The following FRMD5 variants were observed in gnomAD, a reference collection of about 807,000 sequenced individuals.
FRMD5 encodes FERM domain containing 5.
In FRMD5, 20 loss-of-function variants were observed where a neutral mutation model predicts 69.0. The ratio of observed to expected loss-of-function variants is 0.29; its 90% CI spans 0.20 to 0.42. The LOEUF is 0.42. Ranked by LOEUF, FRMD5 falls within the 10% of genes least tolerant of loss-of-function variation. FRMD5 has a pLI of 1.00. For missense variants in FRMD5, 595 were observed against 708.6 expected, an observed-to-expected ratio of 0.84 and a Z score of 1.82; for synonymous variants, 271 against 260.1, an observed-to-expected ratio of 1.04 and a Z score of -0.40.
chr15:43,925,287 G>A (rs981410698), intron 1 of FRMD5, among the ~76,000 whole-genome samples: 5 of 152,132 alleles, frequency 3.3e-5, no homozygotes, highest in African/African-American at 1.2e-4. Context: ...TTAAAGGTGT[G>A]AGCCACCATG....
At chr15:43,883,474 G>T (rs1050035273) in intron 13 of FRMD5, among the ~76,000 whole-genome samples, 1 of 152,038 alleles carries the variant, frequency 6.6e-6, no homozygotes, top group Non-Finnish European at 1.5e-5. Flanking sequence ...TCCCCCAAAG[G>T]GCTAACCCAG....
chr15:44,146,159 C>T (rs902950109), intron 1 of FRMD5, among the ~76,000 whole-genome samples: 1 of 152,114 alleles, frequency 6.6e-6, no homozygotes, highest in Non-Finnish European at 1.5e-5. Context: ...CCTTCCCTTG[C>T]CATCCCCCAA....
chr15:43,915,568 C>A (rs1309846595), intron 4 of FRMD5, among the ~76,000 whole-genome samples: 1 of 152,168 alleles, frequency 6.6e-6, no homozygotes, highest in Non-Finnish European at 1.5e-5. Context: ...AGTTCATACA[C>A]CTGCAATCCC....
intron 1 of FRMD5, among the ~76,000 whole-genome samples, chr15:44,104,603 C>G (rs1046959121): frequency 7.9e-5 from 12 of 152,064 alleles, no homozygotes; most frequent in African/African-American, 2.7e-4. Flanking sequence ...TTTAGATACC[C>G]AAATACTTAC....
At chr15:44,172,277 T>C (rs1272363704) in intron 1 of FRMD5, among the ~76,000 whole-genome samples, 1 of 150,002 alleles carries the variant, frequency 6.7e-6, no homozygotes, top group Admixed American at 6.6e-5. Context: ...TTTTTCTTTT[T>C]TTTTTTTTTT....
chr15:43,995,635 G>A (rs1889884326), intron 1 of FRMD5, among the ~76,000 whole-genome samples: 2 of 151,244 alleles, frequency 1.3e-5, no homozygotes, highest in Non-Finnish European at 3.0e-5. Flanking sequence ...CTGGAGCCTG[G>A]GGCCAGCCTG....
At chr15:44,161,878 C>G (rs2077621393) in intron 1 of FRMD5, among the ~76,000 whole-genome samples, 1 of 152,202 alleles carries the variant, frequency 6.6e-6, no homozygotes, top group Non-Finnish European at 1.5e-5. Flanking sequence ...TACTGAACTG[C>G]CATCTTTATG....
At chr15:43,905,101 G>T (rs1486418480) in intron 6 of FRMD5, among the ~76,000 whole-genome samples, 1 of 150,600 alleles carries the variant, frequency 6.6e-6, no homozygotes, top group African/African-American at 2.4e-5. Context: ...AAGAGCAGAA[G>T]CCTGCCCTTT....
chr15:44,082,313 T>C (rs1233701505), intron 1 of FRMD5, among the ~76,000 whole-genome samples: 2 of 151,918 alleles, frequency 1.3e-5, no homozygotes, highest in African/African-American at 4.8e-5. Flanking sequence ...CTAATATATT[T>C]TTAAATGTAT....
chr15:44,111,415 T>A (rs1374410804), intron 1 of FRMD5, among the ~76,000 whole-genome samples: 1 of 152,240 alleles, frequency 6.6e-6, no homozygotes, highest in Non-Finnish European at 1.5e-5. Context: ...GGTGATAAAC[T>A]GCTCCTGCAA....
chr15:44,048,890 C>T (rs896307281), intron 1 of FRMD5, among the ~76,000 whole-genome samples: 1 of 151,592 alleles, frequency 6.6e-6, no homozygotes, highest in Non-Finnish European at 1.5e-5. Flanking sequence ...ATTTTGATCT[C>T]ATATCTACAC....
At chr15:44,090,849 T>C (rs942491331) in intron 1 of FRMD5, among the ~76,000 whole-genome samples, 2 of 152,194 alleles carry the variant, frequency 1.3e-5, no homozygotes, top group African/African-American at 4.8e-5. Context: ...ATGTTTTGAA[T>C]TTTTTTAAAA....
chr15:44,060,624 C>G (rs1309574724), intron 1 of FRMD5, among the ~76,000 whole-genome samples: 1 of 151,782 alleles, frequency 6.6e-6, no homozygotes, highest in East Asian at 1.9e-4. Flanking sequence ...TTTTTTAGTC[C>G]CCAAATGGCT....
chr15:43,990,232 G>C, intron 1 of FRMD5: 2 of 414,128 alleles, frequency 4.8e-6, no homozygotes, highest in Non-Finnish European at 9.3e-6. Flanking sequence ...GCGAGGGCAA[G>C]GCTCTGTGCT....
intron 1 of FRMD5, chr15:43,989,469 C>A: frequency 1.2e-6 from 1 of 818,438 alleles, no homozygotes; most frequent in South Asian, 1.3e-5. Flanking sequence ...CAGCTTGTAG[C>A]TATCTCCAGG....
intron 1 of FRMD5, among the ~76,000 whole-genome samples, chr15:43,967,765 A>T (rs984272958): frequency 3.3e-5 from 5 of 150,868 alleles, no homozygotes; most frequent in South Asian, 2.1e-4. Flanking sequence ...ATTTTTTTTT[A>T]AATTTTACTT....
chr15:43,920,532 G>A (rs532571574), intron 2 of FRMD5, among the ~76,000 whole-genome samples: 5 of 152,294 alleles, frequency 3.3e-5, no homozygotes, highest in South Asian at 2.1e-4. Flanking sequence ...GGTACTTAAC[G>A]TCTGGGGGAA....
At position 44,144,766 on chromosome 15, in the gene FRMD5, T is replaced by C. The variant is rs567896776; in HGVS notation, c.102+50187A>G. Among the ~76,000 whole-genome samples the C allele has an allele frequency of 3.3e-4, 50 of 152,342 alleles. 2 individuals are homozygous for C. The highest frequency in any genetic ancestry group is 1.2e-3 in the African/African-American group (48 of 41,590). On this transcript the variant is annotated intron_variant, in intron 1 of 13. Coordinates refer to ENST00000417257, the MANE Select transcript of FRMD5 (RefSeq NM_032892.5). ...TCCATTCATTTTCTCAAAAACAAAATTCTTCCAGAAGGGGGAAACTGCAAC... is the reference window on the plus strand; with the variant it reads ...TCCATTCATTTTCTCAAAAACAAAACTCTTCCAGAAGGGGGAAACTGCAAC...
upstream of FRMD5, among the ~76,000 whole-genome samples, chr15:44,196,449 G>A (rs1168036683): frequency 2.0e-5 from 3 of 151,020 alleles, no homozygotes; most frequent in Non-Finnish European, 2.9e-5. Context: ...TGGGGGACAA[G>A]AGCAAGCCAC....
Sources: allele counts gnomAD v4.1 joint callset (sites outside exome capture counted in the v4.1 genomes callset), GRCh38; gene constraint gnomAD v4.1.1; transcripts MANE v1.5; gene names NCBI Gene and HGNC (gene_info 2026-07-23, HGNC 2026-07-21).